ZNF516: variants seen among roughly 807,000 people sequenced by gnomAD.
The protein encoded by ZNF516 is zinc finger protein 516.
ZNF516 carries 19 observed loss-of-function variants against 79.7 expected under a neutral mutation model. The ratio of observed to expected loss-of-function variants is 0.24; its 90% CI spans 0.17 to 0.35. The LOEUF (loss-of-function observed/expected upper bound fraction) is 0.35, where lower values mean the gene tolerates loss of function less well. Among genes scored for constraint, ZNF516 ranks in the 10% least tolerant of loss-of-function variants. The pLI, the probability that ZNF516 is intolerant of heterozygous loss-of-function variation, is 1.00. For missense variants in ZNF516, 1,678 were observed against 1,679.5 expected (o/e 1.00, Z 0.02); for synonymous variants, 877 against 739.5 (o/e 1.19, Z -3.02).
chr18:76,412,880 G>A (rs2075388652), intron 3 of ZNF516, among the ~76,000 whole-genome samples: 1 of 152,186 alleles, frequency 6.6e-6, no homozygotes, highest in South Asian at 2.1e-4. Context: ...ACCGGGCTGA[G>A]TGTGGCATCC....
At chr18:76,455,121 A>G (rs678870) in intron 2 of ZNF516, among the ~76,000 whole-genome samples, 83,429 of 151,592 alleles carry the variant, frequency 0.55, 23,180 homozygotes, top group South Asian at 0.68. Flanking sequence ...CCTAAGTCAA[A>G]CAGAAAGACA....
chr18:76,358,377 GA>G lies in ZNF516; in HGVS notation c.*4120del, dbSNP rs761668488. The G allele has an allele frequency of 5.5e-4, 84 of 152,258 alleles. No individual in the cohort carries two copies. The highest frequency in any genetic ancestry group is 9.0e-4 in the Non-Finnish European group (61 of 68,006). The allele number at this position is 152,258 out of a possible 1,614,324, so 9.4% of individuals were successfully genotyped here. A position where few individuals can be genotyped will look rare whatever the true frequency, so the allele number is the denominator to read the frequency against. On this transcript the variant is annotated 3_prime_UTR_variant, in exon 7 of 7. Transcript: ENST00000443185. ...TGTTATAAATTGTATTTTAAAAAAA[GA>G]AATACAAATTCTATGGTCTTTTGCA...
chr18:76,494,705 A>C (rs1915408812), intron 1 of ZNF516, among the ~76,000 whole-genome samples: 1 of 151,848 alleles, frequency 6.6e-6, no homozygotes. Context: ...CACCTTCATT[A>C]GCCGGAGCGT....
intron 3 of ZNF516, among the ~76,000 whole-genome samples, chr18:76,441,044 A>AG (rs2145531966): frequency 6.6e-6 from 1 of 152,288 alleles, no homozygotes; most frequent in South Asian, 2.1e-4. Flanking sequence ...CCCTGGGCAC[A>AG]GGGACCCTGG....
chr18:76,391,446 A>T (rs1299499419), intron 3 of ZNF516, among the ~76,000 whole-genome samples: 1 of 152,020 alleles, frequency 6.6e-6, no homozygotes, highest in African/African-American at 2.4e-5. Context: ...ATTAACCCTA[A>T]TCCAACTCTA....
intron 6 of ZNF516, among the ~76,000 whole-genome samples, chr18:76,365,797 G>A (rs377409032): frequency 4.6e-5 from 7 of 152,292 alleles, no homozygotes; most frequent in African/African-American, 1.4e-4. Flanking sequence ...CCCAGGGCCC[G>A]GACCCTCTCA....
In ZNF516 at chr18:76,379,943, C is replaced by T. The variant is rs746831279; in HGVS notation, c.2171G>A (p.Arg724Gln). 23 of 1,613,844 alleles carry T rather than the reference C, an allele frequency of 1.4e-5. No individual in the cohort carries two copies. The highest frequency in any genetic ancestry group is 1.1e-4 in the African/African-American group (8 of 74,904). Residue 724 changes from arginine (R) to glutamine (Q), a missense_variant, in exon 4 of 7, where the codon CGG (arginine) becomes CAG (glutamine). Arg to Gln is a conservative substitution (Grantham distance 43, BLOSUM62 1). Coordinates refer to ENST00000443185, the MANE Select transcript of ZNF516 (RefSeq NM_014643.4). ...HNKEHSGGGK[R>Q]ALAPDLMPLD... ...CGGCATGAGGTCTGGGGCCAGCGCC[C>T]GCTTCCCTCCCCCAGAGTGTTCCTT...
At chr18:76,481,915 CTTTTA>C (rs752882539) in intron 1 of ZNF516, among the ~76,000 whole-genome samples, 2 of 152,052 alleles carry the variant, frequency 1.3e-5, no homozygotes, top group Non-Finnish European at 2.9e-5. Flanking sequence ...CTCTCAATAC[CTTTTA>C]TTTTGTTTTT....
intron 2 of ZNF516, among the ~76,000 whole-genome samples, chr18:76,445,181 C>T (rs1164741583): frequency 1.3e-5 from 2 of 149,662 alleles, no homozygotes; most frequent in Non-Finnish European, 1.5e-5. Context: ...CGCTTGAACC[C>T]GGGAGAGGGA....
At chr18:76,458,980 G>A (rs960247492) in intron 2 of ZNF516, among the ~76,000 whole-genome samples, 4 of 152,346 alleles carry the variant, frequency 2.6e-5, no homozygotes, top group South Asian at 2.1e-4. Flanking sequence ...GTGAGCATGT[G>A]CTAGTGTGCC....
intron 2 of ZNF516, among the ~76,000 whole-genome samples, chr18:76,447,652 A>ACATGCAATATGGCGCC (rs1912139015): frequency 6.6e-6 from 1 of 152,232 alleles, no homozygotes; most frequent in Non-Finnish European, 1.5e-5. Flanking sequence ...TGTCCAGCTG[A>ACATGCAATATGGCGCC]CATGCAATAT....
intron 3 of ZNF516, among the ~76,000 whole-genome samples, chr18:76,400,080 G>T (rs760856171): frequency 6.6e-6 from 1 of 151,998 alleles, no homozygotes; most frequent in Non-Finnish European, 1.5e-5. Flanking sequence ...TCCTGCACAC[G>T]CCCCCACTTT....
At chr18:76,372,395 A>G (rs536613249) in intron 4 of ZNF516, among the ~76,000 whole-genome samples, 3 of 152,234 alleles carry the variant, frequency 2.0e-5, no homozygotes, top group Non-Finnish European at 4.4e-5. Context: ...TGGGAGAGTC[A>G]CTGTTATGCG....
chr18:76,417,332 C>T (rs1040985289), intron 3 of ZNF516, among the ~76,000 whole-genome samples: 1 of 152,268 alleles, frequency 6.6e-6, no homozygotes, highest in African/African-American at 2.4e-5. Flanking sequence ...CCCATGAAAG[C>T]GTGGAAACCA....
At chr18:76,431,061 AT>A (rs2075653978) in intron 3 of ZNF516, among the ~76,000 whole-genome samples, 1 of 152,206 alleles carries the variant, frequency 6.6e-6, no homozygotes, top group South Asian at 2.1e-4. Flanking sequence ...TAAAATGGCA[AT>A]CCATTTTAAT....
chr18:76,401,742 T>C (rs2075227441), intron 3 of ZNF516, among the ~76,000 whole-genome samples: 2 of 76,460 alleles, frequency 2.6e-5, no homozygotes, highest in African/African-American at 5.3e-5. Context: ...GCCGCATCTC[T>C]CCACCACCAA....
chr18:76,379,355 G>A lies in ZNF516; in HGVS notation c.2759C>T (p.Pro920Leu), dbSNP rs188094234. The A allele has an allele frequency of 9.5e-4, 1,514 of 1,593,284 alleles. 33 individuals are homozygous for A. The East Asian group carries it at 0.025, about 26-fold the overall frequency. ...GCTCCTGCTGAAGCCCCCGCCACCC[G>A]GGGCAGGCACCGGTTTGGAGCTAGC... ...QEASSKPVPA[P>L]GGGGFSRSAT... is the part of the protein sequence containing the mutation. Residue 920 changes from proline (P) to leucine (L), a missense_variant, in exon 4 of 7, where the codon CCG becomes CTG. Physicochemically the swap from Pro to Leu is moderately conservative, Grantham distance 98. This residue lies in a region of ZNF516 where 1,294 missense variants were observed against 1,248.3 expected (regional missense o/e 1.04). Transcript: ENST00000443185.
intron 1 of ZNF516, among the ~76,000 whole-genome samples, chr18:76,468,498 C>A (rs12606317): frequency 0.26 from 38,906 of 149,998 alleles, 5,785 homozygotes; most frequent in African/African-American, 0.41. Flanking sequence ...CTCACTGCAA[C>A]CTCGGCCTTC....
intron 1 of ZNF516, among the ~76,000 whole-genome samples, chr18:76,494,740 C>T (rs1043102133): frequency 6.6e-6 from 1 of 151,910 alleles, no homozygotes; most frequent in African/African-American, 2.4e-5. Flanking sequence ...AGGCAATTTG[C>T]TCTTTGTCTC....
Sources: allele counts gnomAD v4.1 joint callset (sites outside exome capture counted in the v4.1 genomes callset), GRCh38; gene constraint gnomAD v4.1.1; regional missense constraint gnomAD v4.1.1; transcripts MANE v1.5; gene names NCBI Gene and HGNC (gene_info 2026-07-23, HGNC 2026-07-21).